Variants in AKAP6 observed in about 807,000 individuals in gnomAD.
AKAP6 encodes A-kinase anchoring protein 6, also known as A-kinase anchor protein 6.
In AKAP6, 58 loss-of-function variants were observed where a neutral mutation model predicts 188.5. The observed-to-expected ratio is 0.31, with a 90% CI of 0.25 to 0.38. The LOEUF (loss-of-function observed/expected upper bound fraction) is 0.38, where lower values mean the gene tolerates loss of function less well. Among genes scored for constraint, AKAP6 ranks in the 10% least tolerant of loss-of-function variants. The pLI, the probability that AKAP6 is intolerant of heterozygous loss-of-function variation, is 1.00. For missense variants in AKAP6, 2,710 were observed against 2,740.0 expected (o/e 0.99, Z 0.24); for synonymous variants, 989 against 998.6 (o/e 0.99, Z 0.18).
chr14:32,451,127 G>C (rs1379028233), intron 2 of AKAP6, among the ~76,000 whole-genome samples: 1 of 152,148 alleles, frequency 6.6e-6, no homozygotes, highest in Admixed American at 6.5e-5. Flanking sequence ...CTGAAAGTCA[G>C]ATTAGCCTTT....
intron 1 of AKAP6, among the ~76,000 whole-genome samples, chr14:32,344,442 A>G (rs1369250946): frequency 6.6e-6 from 1 of 152,224 alleles, no homozygotes; most frequent in Non-Finnish European, 1.5e-5. Flanking sequence ...CCCAGTAAAT[A>G]CAAAGAGCTA....
chr14:32,680,279 A>G (rs1290525367), intron 8 of AKAP6, among the ~76,000 whole-genome samples: 16 of 152,218 alleles, frequency 1.1e-4, no homozygotes, highest in Admixed American at 1.0e-3. Context: ...CAAAAACCAT[A>G]TACTCCTTTC....
intron 2 of AKAP6, among the ~76,000 whole-genome samples, chr14:32,514,094 G>T (rs1171193984): frequency 6.6e-6 from 1 of 152,088 alleles, no homozygotes; most frequent in Non-Finnish European, 1.5e-5. Context: ...TTGGGTCAAT[G>T]GGAGGTAATG....
At chr14:32,477,897 C>T (rs1261262542) in intron 2 of AKAP6, among the ~76,000 whole-genome samples, 1 of 151,958 alleles carries the variant, frequency 6.6e-6, no homozygotes, top group African/African-American at 2.4e-5. Flanking sequence ...TAGCATCTAC[C>T]TCATGGAGGT....
rs2034582548 is a variant in AKAP6, at chr14:32,823,308, G to A, written c.5495G>A (p.Ser1832Asn). The change falls in exon 13 of 14, where the codon AGT becomes AAT. Residue 1832 changes from serine to asparagine, a missense_variant. By Grantham distance (46) the Ser-to-Asn change is conservative. Around this residue, in one of 2 missense-constraint regions of AKAP6, gnomAD observed 2,473 missense variants for 2,426.1 expected, o/e 1.02. Transcript: ENST00000280979. ...GAGATGAAGGGCAGTAAAGATATAA[G>A]TAGCAGTGAGATGACCAATCCCTCT... ...SDEMKGSKDI[S>N]SSEMTNPSDT... 1.2e-6 allele frequency: 2 copies of A among 1,613,768 alleles called. No homozygotes were observed. The highest frequency in any genetic ancestry group is 1.7e-6 in the Non-Finnish European group (2 of 1,179,946).
chr14:32,823,701 A>C lies in AKAP6; in HGVS notation c.5888A>C (p.Lys1963Thr), dbSNP rs1230356199. 6.2e-7 allele frequency: 1 copy of C among 1,613,846 alleles called. No homozygotes were observed. The highest frequency in any genetic ancestry group is 1.1e-5 in the South Asian group (1 of 91,074). Residue 1963 changes from lysine to threonine, a missense_variant, in exon 13 of 14, where the codon AAA (lysine) becomes ACA (threonine). Around this residue, in one of 2 missense-constraint regions of AKAP6, gnomAD observed 2,473 missense variants for 2,426.1 expected, o/e 1.02. Transcript: ENST00000280979. ...CAAGATGTTAGACATCTTCCAAAGA[A>C]ATGTCCAAATCACCACCATTTTGAA... ...VSQDVRHLPK[K>T]CPNHHHFENQ...
At chr14:32,650,265 A>G (rs1297410846) in intron 7 of AKAP6, among the ~76,000 whole-genome samples, 2 of 152,174 alleles carry the variant, frequency 1.3e-5, no homozygotes, top group South Asian at 2.1e-4. Context: ...GAAGCCCAAC[A>G]TAACGCATAG....
chr14:32,728,819 CT>C (rs1227127399), intron 9 of AKAP6, among the ~76,000 whole-genome samples: 1 of 152,030 alleles, frequency 6.6e-6, no homozygotes, highest in Admixed American at 6.6e-5. Flanking sequence ...ATCATGCTGC[CT>C]TTTTTCTTTC....
At chr14:32,698,675 C>T (rs1783019724) in intron 9 of AKAP6, among the ~76,000 whole-genome samples, 1 of 152,078 alleles carries the variant, frequency 6.6e-6, no homozygotes, top group Admixed American at 6.6e-5. Flanking sequence ...ATATCTATAC[C>T]ATCTTTGTTT....
At chr14:32,531,522 G>A (rs1474669146) in intron 2 of AKAP6, among the ~76,000 whole-genome samples, 1 of 152,174 alleles carries the variant, frequency 6.6e-6, no homozygotes, top group Non-Finnish European at 1.5e-5. Flanking sequence ...ATACAGCAGA[G>A]TTGACTTTCT....
At chr14:32,782,183 AAGGGAGGGAGGGAGGG>A (rs553132400) in intron 12 of AKAP6, among the ~76,000 whole-genome samples, 2 of 121,424 alleles carry the variant, frequency 1.6e-5, no homozygotes, top group South Asian at 3.2e-4. Context: ...GAAAGAAAGG[AAGGGAGGGAGGGAGGG>A]AGGGAGGGAG....
intron 7 of AKAP6, among the ~76,000 whole-genome samples, chr14:32,665,120 G>A (rs967419255): frequency 1.3e-5 from 2 of 152,002 alleles, no homozygotes; most frequent in South Asian, 4.2e-4. Context: ...TTTGGGGGTG[G>A]GGAGAGTTCT....
rs114215201 is a variant in AKAP6, at chr14:32,541,985, A to G, written c.577-3245A>G. ...ATCTTGAAACTTTCCTCCTCAATAT[A>G]CTTCATTATTAAAAATAATAACGTA... On this transcript the variant is annotated intron_variant, in intron 3 of 13. Coordinates refer to ENST00000280979, the MANE Select transcript of AKAP6 (RefSeq NM_004274.5). Among the ~76,000 whole-genome samples the G allele has an allele frequency of 1.7e-3, 263 of 152,268 alleles. 2 individuals are homozygous for G. Among genetic ancestry groups the G allele is most frequent in the Middle Eastern group, 6.8e-3 (2 of 294 alleles).
intron 11 of AKAP6, among the ~76,000 whole-genome samples, chr14:32,747,247 T>G (rs191640077): frequency 6.6e-6 from 1 of 152,334 alleles, no homozygotes; most frequent in Admixed American, 6.5e-5. Flanking sequence ...CAGGATACAA[T>G]GTTTTAGCAG....
intron 7 of AKAP6, among the ~76,000 whole-genome samples, chr14:32,666,814 A>C (rs1384460394): frequency 6.6e-6 from 1 of 151,980 alleles, no homozygotes; most frequent in Admixed American, 6.6e-5. Context: ...ATCACTATGG[A>C]ATTATTTTGT....
At chr14:32,674,113 G>A (rs374075331) in intron 7 of AKAP6, among the ~76,000 whole-genome samples, 17 of 152,244 alleles carry the variant, frequency 1.1e-4, no homozygotes, top group South Asian at 4.1e-4. Context: ...GGAACAATAC[G>A]TGCAAAGGTC....
chr14:32,673,003 A>G (rs548839796), intron 7 of AKAP6, among the ~76,000 whole-genome samples: 29 of 152,320 alleles, frequency 1.9e-4, no homozygotes, highest in Admixed American at 9.8e-4. Context: ...CTAACCTGGC[A>G]TCCTCCATCG....
At chr14:32,775,677 C>T (rs1246541285) in intron 12 of AKAP6, among the ~76,000 whole-genome samples, 1 of 152,146 alleles carries the variant, frequency 6.6e-6, no homozygotes, top group East Asian at 1.9e-4. Flanking sequence ...GATCCTCCCA[C>T]CTTGGCCTCC....
chr14:32,500,610 A>G (rs1250039700), intron 2 of AKAP6, among the ~76,000 whole-genome samples: 1 of 152,118 alleles, frequency 6.6e-6, no homozygotes, highest in African/African-American at 2.4e-5. Flanking sequence ...TGCTAATACT[A>G]CTTAGAATGG....
Sources: gnomAD v4.1 joint callset for allele counts (sites outside exome capture counted in the v4.1 genomes callset) on GRCh38, gnomAD v4.1.1 for gene constraint, gnomAD v4.1.1 regional missense constraint, MANE v1.5 for transcripts, NCBI Gene and HGNC (gene_info 2026-07-23, HGNC 2026-07-21) for gene names.